Variants in SLCO3A1 observed in about 807,000 individuals in gnomAD.
SLCO3A1 encodes the protein PGE1 transporter.
SLCO3A1 carries 27 observed loss-of-function variants against 63.1 expected under a neutral mutation model. That is an observed-to-expected ratio of 0.43 (90% confidence interval 0.32 to 0.59). The LOEUF is 0.59. Among genes scored for constraint, SLCO3A1 ranks in the 20% least tolerant of loss-of-function variants. SLCO3A1 has a pLI of 0.09. For missense variants in SLCO3A1, 773 were observed against 945.8 expected (o/e 0.82, Z 2.40); for synonymous variants, 473 against 409.9 (o/e 1.15, Z -1.86).
In SLCO3A1 at chr15:91,882,452, T is replaced by C. The variant is rs937883450; in HGVS notation, c.180+28364T>C. 4.6e-5 allele frequency among the ~76,000 whole-genome samples: 7 copies of C among 152,280 alleles called. No individual in the cohort carries two copies. Among genetic ancestry groups the C allele is most frequent in the African/African-American group, 1.7e-4 (7 of 41,552 alleles). ...CAATGAATGATCAAACAGAGGGACA[T>C]GAAATTTGCTAATACGGTATAGATT... On this transcript the variant is annotated intron_variant, in intron 1 of 9. Transcript: ENST00000318445. The surrounding 1 kb of genome is among the most constrained non-coding windows in gnomAD (Gnocchi z 4.4).
At chr15:92,015,696 G>T (rs897944684) in intron 2 of SLCO3A1, among the ~76,000 whole-genome samples, 1 of 152,140 alleles carries the variant, frequency 6.6e-6, no homozygotes, top group Non-Finnish European at 1.5e-5. Context: ...AGCGTGGGGT[G>T]TGAACAGGCT....
chr15:92,051,380 CA>C (rs1198199317), intron 2 of SLCO3A1, among the ~76,000 whole-genome samples: 2 of 152,060 alleles, frequency 1.3e-5, no homozygotes, highest in African/African-American at 4.8e-5. Context: ...CATAGGAAGG[CA>C]GAGCAAGAGT....
intron 2 of SLCO3A1, among the ~76,000 whole-genome samples, chr15:92,056,328 C>T (rs1433172845): frequency 1.4e-5 from 2 of 147,070 alleles, no homozygotes; most frequent in African/African-American, 2.5e-5. Context: ...AATTGAAGAC[C>T]CATCCTTTGC....
At chr15:91,880,131 GTCCATCCATCCATCCA>G (rs1202665562) in intron 1 of SLCO3A1, among the ~76,000 whole-genome samples, 2 of 130,456 alleles carry the variant, frequency 1.5e-5, no homozygotes, top group African/African-American at 6.8e-5. Context: ...CCGTCCGTCC[GTCCATCCATCCATCCA>G]TCCATCCATC....
chr15:92,123,364 G>A (rs1298674292), intron 5 of SLCO3A1, among the ~76,000 whole-genome samples: 1 of 152,050 alleles, frequency 6.6e-6, no homozygotes, highest in Non-Finnish European at 1.5e-5. Context: ...CCGAGATCGC[G>A]CCATTGCACT....
chr15:91,891,889 A>G (rs1040342675), intron 1 of SLCO3A1, among the ~76,000 whole-genome samples: 4 of 152,222 alleles, frequency 2.6e-5, no homozygotes, highest in Admixed American at 2.0e-4. Context: ...CAACTCTGCT[A>G]TAGCCGTGAT....
intron 3 of SLCO3A1, among the ~76,000 whole-genome samples, chr15:92,102,342 A>T (rs373841654): frequency 7.2e-5 from 11 of 152,230 alleles, no homozygotes; most frequent in African/African-American, 2.6e-4. Context: ...TTTTAAAAAG[A>T]TCCCTATTTT....
chr15:91,930,118 T>C (rs1037775719), intron 2 of SLCO3A1, among the ~76,000 whole-genome samples: 2 of 152,198 alleles, frequency 1.3e-5, no homozygotes, highest in African/African-American at 2.4e-5. Flanking sequence ...CAGGTTTGCC[T>C]TATTGACCAG....
In SLCO3A1 at chr15:91,967,509, G is replaced by A. The variant is rs374443986; in HGVS notation, c.646+51051G>A. Among the ~76,000 whole-genome samples the A allele has an allele frequency of 2.6e-5, 4 of 152,300 alleles. No individual in the cohort carries two copies. The highest frequency in any genetic ancestry group is 1.9e-4 in the East Asian group (1 of 5,170). On this transcript the variant is annotated intron_variant, in intron 2 of 9. Transcript: ENST00000318445. This position sits in a 1 kb window ranked among gnomAD's most constrained non-coding sequence, Gnocchi z 4.4. ...ACCTCTCCTGTAGGACTGAGGTGCCGTTGTGGGGACATAACGCAGAAGCGT... is the reference window on the plus strand; with the variant it reads ...ACCTCTCCTGTAGGACTGAGGTGCCATTGTGGGGACATAACGCAGAAGCGT...
At chr15:92,123,995 G>C (rs2047892734) in intron 5 of SLCO3A1, among the ~76,000 whole-genome samples, 1 of 152,228 alleles carries the variant, frequency 6.6e-6, no homozygotes, top group Admixed American at 6.5e-5. Flanking sequence ...CTCTGTGTGT[G>C]CCCTGCCCTT....
At chr15:92,168,889 T>A (rs924640585), downstream of SLCO3A1, among the ~76,000 whole-genome samples, 9 of 152,198 alleles carry the variant, frequency 5.9e-5, no homozygotes, top group African/African-American at 2.2e-4. Context: ...GTTACCATCC[T>A]TTTTCTCTTA....
chr15:91,992,339 C>T (rs77938917), intron 2 of SLCO3A1, among the ~76,000 whole-genome samples: 19,878 of 152,182 alleles, frequency 0.13, 1,588 homozygotes, highest in East Asian at 0.33. Context: ...CAATATTTAC[C>T]GGCTTTCACT....
intron 4 of SLCO3A1, among the ~76,000 whole-genome samples, chr15:92,107,908 A>C (rs2047685248): frequency 6.6e-6 from 1 of 152,170 alleles, no homozygotes; most frequent in Non-Finnish European, 1.5e-5. Flanking sequence ...GCTTTCACAT[A>C]TGGTGTCTGG....
chr15:92,035,571 C>A (rs1249954319), intron 2 of SLCO3A1, among the ~76,000 whole-genome samples: 2 of 151,744 alleles, frequency 1.3e-5, no homozygotes, highest in African/African-American at 2.4e-5. Context: ...GAGGCTAGCT[C>A]CTGCCAGCCC....
At chr15:92,157,422 TG>T (rs1245368505) in intron 9 of SLCO3A1, among the ~76,000 whole-genome samples, 3 of 150,172 alleles carry the variant, frequency 2.0e-5, no homozygotes, top group African/African-American at 4.9e-5. Flanking sequence ...AAAGTACACC[TG>T]GCCCCCCCCC....
At chr15:92,133,213 A>G (rs6496895) in intron 7 of SLCO3A1, among the ~76,000 whole-genome samples, 108,811 of 144,988 alleles carry the variant, frequency 0.75, 44,290 homozygotes, top group East Asian at 0.9. Flanking sequence ...CTCGGGGGAT[A>G]TCATCACCCC....
At chr15:91,927,489 A>C (rs745670723) in intron 2 of SLCO3A1, among the ~76,000 whole-genome samples, 15 of 152,188 alleles carry the variant, frequency 9.9e-5, no homozygotes, top group Admixed American at 6.5e-5. Context: ...GAACTGGCCA[A>C]ACTTTTTATT....
chr15:92,015,453 G>A (rs535075994), intron 2 of SLCO3A1, among the ~76,000 whole-genome samples: 208 of 152,144 alleles, frequency 1.4e-3, no homozygotes, highest in African/African-American at 4.7e-3. Flanking sequence ...ATGAGATCTC[G>A]TGAGAACTCC....
At chr15:91,855,348 G>A (rs1007778838) in intron 1 of SLCO3A1, among the ~76,000 whole-genome samples, 2 of 152,192 alleles carry the variant, frequency 1.3e-5, no homozygotes, top group Non-Finnish European at 2.9e-5. Context: ...CGGTGTTGAG[G>A]AAGTTAGGTG....
Sources: allele counts gnomAD v4.1 joint callset (sites outside exome capture counted in the v4.1 genomes callset), GRCh38; gene constraint gnomAD v4.1.1; non-coding constraint Gnocchi (gnomAD v3.1); transcripts MANE v1.5; gene names NCBI Gene and HGNC (gene_info 2026-07-23, HGNC 2026-07-21).